Variants in EIF2S1 observed in about 807,000 individuals in gnomAD.
EIF2S1 encodes the protein eukaryotic translation initiation factor 2 subunit alpha, also known as eukaryotic translation initiation factor 2 subunit 1.
Under a neutral mutation model 33.5 loss-of-function variants are expected in EIF2S1, and 5 were observed. The observed-to-expected ratio is 0.15, with a 90% confidence interval of 0.08 to 0.31. EIF2S1 has a LOEUF of 0.31. Among genes scored for constraint, EIF2S1 ranks in the 10% least tolerant of loss-of-function variants. The pLI is 1.00. For synonymous variants in EIF2S1, 99 were observed against 127.5 expected (o/e 0.78, Z 1.51); for missense variants, 191 against 384.6 (o/e 0.50, Z 4.21).
At chr14:67,376,646 T>A in intron 4 of EIF2S1, 56 bp downstream of exon 4, 3 of 1,564,386 alleles carry the variant, frequency 1.9e-6, no homozygotes, top group Non-Finnish European at 2.6e-6. Context: ...CTTGGCCTGA[T>A]ATTTAACAGC....
chr14:67,367,042 G>T (rs1429470137), intron 2 of EIF2S1, among the ~76,000 whole-genome samples: 1 of 152,064 alleles, frequency 6.6e-6, no homozygotes, highest in Non-Finnish European at 1.5e-5. Flanking sequence ...CAGGCACAAA[G>T]GGAGATCCCC....
Position 67,385,824 on chromosome 14 carries a change from C to A in EIF2S1, c.*2384C>A, listed in dbSNP as rs940874472. 4 of 152,048 alleles carry A rather than the reference C, an allele frequency of 2.6e-5. No individual in the cohort carries two copies. Among genetic ancestry groups the A allele is most frequent in the Non-Finnish European group, 5.9e-5 (4 of 68,026 alleles). The allele number at this position is 152,048 out of a possible 1,614,324, so 9.4% of individuals were successfully genotyped here. ...TATAGCAAAACAAGACAAACCAGTT[C>A]TTAATAATGTTCAAAGTTGGACCCA... is the stretch of plus-strand genomic sequence containing the variant. On this transcript the variant is annotated 3_prime_UTR_variant, in exon 8 of 8. Coordinates refer to ENST00000256383, the MANE Select transcript of EIF2S1 (RefSeq NM_004094.5).
At chr14:67,379,648 C>CTTTTACTTTTTTTTTTT (rs2085875340) in intron 4 of EIF2S1, among the ~76,000 whole-genome samples, 1 of 135,324 alleles carries the variant, frequency 7.4e-6, no homozygotes, top group African/African-American at 3.1e-5. Flanking sequence ...TTCTTTTTTT[C>CTTTTACTTTTTTTTTTT]TTTTTCTTTT....
At chr14:67,366,098 T>A (rs77779622) in intron 2 of EIF2S1, among the ~76,000 whole-genome samples, 1 of 149,984 alleles carries the variant, frequency 6.7e-6, no homozygotes, top group African/African-American at 2.5e-5. Context: ...TTTTTTTTTT[T>A]AAGAATTGGG....
At chr14:67,376,681 G>A in intron 4 of EIF2S1, 91 bp downstream of exon 4, 1 of 1,373,386 alleles carries the variant, frequency 7.3e-7, no homozygotes, top group Middle Eastern at 2.3e-4. Context: ...TAAAATACTT[G>A]CCAAATTTAG....
intron 2 of EIF2S1, among the ~76,000 whole-genome samples, chr14:67,374,079 T>G (rs1294986874): frequency 1.3e-5 from 2 of 152,144 alleles, no homozygotes; most frequent in Non-Finnish European, 2.9e-5. Flanking sequence ...TGAAAACAAT[T>G]CAGAATCTCT....
intron 3 of EIF2S1, among the ~76,000 whole-genome samples, chr14:67,375,895 T>C (rs1016096436): frequency 7.2e-5 from 11 of 152,218 alleles, no homozygotes; most frequent in African/African-American, 2.7e-4. Flanking sequence ...ATAGATCTTA[T>C]TGAGATGTTA....
chr14:67,373,021 A>G (rs1475192633), intron 2 of EIF2S1, among the ~76,000 whole-genome samples: 3 of 152,224 alleles, frequency 2.0e-5, no homozygotes, highest in Non-Finnish European at 4.4e-5. Context: ...TGCACAATCA[A>G]TAGATTGACT....
At chr14:67,380,897 C>T (rs2085884502) in intron 5 of EIF2S1, 132 bp downstream of exon 5, 2 of 457,650 alleles carry the variant, frequency 4.4e-6, no homozygotes, top group Non-Finnish European at 7.7e-6. Flanking sequence ...TTTTTTATAA[C>T]AAAAGCTTAA....
chr14:67,362,372 G>GA (rs1160855848), intron 1 of EIF2S1, among the ~76,000 whole-genome samples: 7 of 150,542 alleles, frequency 4.6e-5, no homozygotes, highest in South Asian at 4.2e-4. Flanking sequence ...AGTAGCTACT[G>GA]AAAAAAAAAT....
intron 3 of EIF2S1, among the ~76,000 whole-genome samples, chr14:67,375,760 C>A (rs1282752387): frequency 6.6e-6 from 1 of 152,160 alleles, no homozygotes; most frequent in Non-Finnish European, 1.5e-5. Flanking sequence ...AAACTAGCAG[C>A]ATTGACATCA....
At chr14:67,375,232 CTGTGTGTGTGTGTGTGTGTGTGTGTG>C (rs3067321) in intron 3 of EIF2S1, among the ~76,000 whole-genome samples, 57 of 137,670 alleles carry the variant, frequency 4.1e-4, no homozygotes, top group African/African-American at 1.3e-3. Context: ...ATCCTCAGTT[CTGTGTGTGTGTGTGTGTGTGTGTGTG>C]TGTGTGTGTG....
At chr14:67,376,311 A>G (rs2085857601) in intron 3 of EIF2S1, 128 bp from the exon 4 acceptor site, 1 of 946,386 alleles carries the variant, frequency 1.1e-6, no homozygotes, top group East Asian at 2.7e-5. Context: ...TAAAGTGAGT[A>G]TTTCCCTATG....
At chr14:67,363,508 G>T (rs555750754) in intron 1 of EIF2S1, among the ~76,000 whole-genome samples, 106 of 152,200 alleles carry the variant, frequency 7.0e-4, no homozygotes, top group Non-Finnish European at 1.3e-3. Flanking sequence ...ATAGTTTTGA[G>T]AGAATATAGT....
chr14:67,383,479 C>T lies in EIF2S1; in HGVS notation c.*39C>T. The T allele has an allele frequency of 1.9e-6, 3 of 1,608,436 alleles. No homozygotes were observed. The highest frequency in any genetic ancestry group is 2.6e-6 in the Non-Finnish European group (3 of 1,176,410). On this transcript the variant is annotated 3_prime_UTR_variant, in exon 8 of 8. Transcript: ENST00000256383. ...AGAGTCCAATTTAAGGAACACAGAG[C>T]AGCGCTTCCTGGCTGTAAATCCTAG... is the stretch of plus-strand genomic sequence containing the variant.
intron 6 of EIF2S1, 109 bp from the exon 7 acceptor site, chr14:67,382,338 C>T (rs376520835): frequency 1.8e-5 from 18 of 999,528 alleles, no homozygotes; most frequent in East Asian, 1.3e-4. Flanking sequence ...TTGGCAATTA[C>T]GTTTTGGGGT....
At chr14:67,366,098 TA>T (rs1452556076) in intron 2 of EIF2S1, among the ~76,000 whole-genome samples, 3 of 149,980 alleles carry the variant, frequency 2.0e-5, no homozygotes, top group Non-Finnish European at 4.5e-5. Flanking sequence ...TTTTTTTTTT[TA>T]AGAATTGGGG....
intron 1 of EIF2S1, among the ~76,000 whole-genome samples, chr14:67,362,631 T>C (rs1484204967): frequency 1.3e-5 from 2 of 152,164 alleles, no homozygotes; most frequent in Non-Finnish European, 2.9e-5. Flanking sequence ...GAGTTTACTA[T>C]GTTAATTGCC....
rs554501211 is a variant in EIF2S1 at position 67,367,993 on chromosome 14, T to C, written c.241+2985T>C. Among the ~76,000 whole-genome samples, 36 of 152,342 alleles carry C rather than the reference T, an allele frequency of 2.4e-4. 1 individual carries two copies. The South Asian group carries it at 3.7e-3, about 16-fold the overall frequency. ...ATTTGTCTCATTTGTGCCTGTGGGA[T>C]TGTAATCTATAGAGGTGACTGAGTG... On this transcript the variant is annotated intron_variant, in intron 2 of 7. Coordinates refer to ENST00000256383, the MANE Select transcript of EIF2S1 (RefSeq NM_004094.5).
Sources: gnomAD v4.1 joint callset for allele counts (sites outside exome capture counted in the v4.1 genomes callset) on GRCh38, gnomAD v4.1.1 for gene constraint, MANE v1.5 for transcripts, NCBI Gene and HGNC (gene_info 2026-07-23, HGNC 2026-07-21) for gene names.